GATAD2A: variants seen among roughly 807,000 people sequenced by gnomAD.
GATAD2A encodes GATA zinc finger domain containing 2A, also known as transcriptional repressor p66-alpha.
A neutral mutation model predicts 68.5 loss-of-function variants in GATAD2A; 12 were observed. The observed-to-expected ratio is 0.18, with a 90% CI of 0.11 to 0.28. The LOEUF (loss-of-function observed/expected upper bound fraction) is 0.28. Ranked by LOEUF, GATAD2A falls within the 10% of genes least tolerant of loss-of-function variation. The probability of loss-of-function intolerance (pLI) is 1.00; values close to 1 mark genes in which losing one functional copy is unlikely to be tolerated. For missense variants in GATAD2A, 755 were observed against 868.5 expected (o/e 0.87, Z 1.64); for synonymous variants, 410 against 375.3 (o/e 1.09, Z -1.07).
chr19:19,462,018 A>G (rs1600191916), intron 1 of GATAD2A, among the ~76,000 whole-genome samples: 1 of 150,368 alleles, frequency 6.7e-6, no homozygotes, highest in Non-Finnish European at 1.5e-5. Flanking sequence ...CCTTCCCCTC[A>G]CTCTCCCCTG....
At chr19:19,473,415 T>C (rs2058452653) in intron 2 of GATAD2A, among the ~76,000 whole-genome samples, 1 of 152,028 alleles carries the variant, frequency 6.6e-6, no homozygotes, top group Non-Finnish European at 1.5e-5. Context: ...ACTGGAAATG[T>C]AGTCTGTTTA....
Position 19,443,004 on chromosome 19 carries a change from A to G in GATAD2A, c.-6-22336A>G, listed in dbSNP as rs112266179. ...GCAGTGCTGGCCCGCAGAACTGCCT[A>G]GGGTGACAGGGATGCTCTACACCGT... On this transcript the variant is annotated intron_variant, in intron 1 of 11. Transcript: ENST00000683918. Among the ~76,000 whole-genome samples, 12 of 152,278 alleles carry G rather than the reference A, an allele frequency of 7.9e-5. 1 individual carries two copies. The highest frequency in any genetic ancestry group is 2.9e-4 in the African/African-American group (12 of 41,560).
chr19:19,502,252 A>G (rs1600310395), intron 10 of GATAD2A, 79 bp from the exon 11 acceptor site: 2 of 1,184,714 alleles, frequency 1.7e-6, no homozygotes, highest in East Asian at 4.7e-5. Flanking sequence ...CAGCCAGAGC[A>G]AGGAGAGGCT....
At chr19:19,458,604 G>C (rs1389014270) in intron 1 of GATAD2A, 1 of 152,218 alleles carries the variant, frequency 6.6e-6, no homozygotes, top group East Asian at 1.9e-4. Flanking sequence ...TGTTGCCAGG[G>C]CTCTGGTGAG....
intron 1 of GATAD2A, among the ~76,000 whole-genome samples, chr19:19,400,008 C>G (rs2049587141): frequency 6.6e-6 from 1 of 150,602 alleles, no homozygotes; most frequent in South Asian, 2.2e-4. Flanking sequence ...TTTGTTTTTC[C>G]TGGTAGTTTT....
upstream of GATAD2A, among the ~76,000 whole-genome samples, chr19:19,404,258 ATTT>A (rs111838568): frequency 2.0e-5 from 3 of 146,636 alleles, no homozygotes; most frequent in African/African-American, 7.5e-5. Flanking sequence ...CAGAAAAACA[ATTT>A]TTTTTTTTTT....
chr19:19,396,704 TTTTC>T (rs372156363), intron 1 of GATAD2A, among the ~76,000 whole-genome samples: 7 of 152,036 alleles, frequency 4.6e-5, no homozygotes, highest in African/African-American at 1.7e-4. Context: ...TTTCTTTTTC[TTTTC>T]TTTCTTTCTT....
At chr19:19,438,264 G>A (rs1221975271) in intron 1 of GATAD2A, among the ~76,000 whole-genome samples, 1 of 152,186 alleles carries the variant, frequency 6.6e-6, no homozygotes, top group Non-Finnish European at 1.5e-5. Flanking sequence ...CTCCTTTTTG[G>A]AGATAGGCTC....
Position 19,502,387 on chromosome 19 carries a change from G to A in GATAD2A, c.1635G>A (p.Thr545=), listed in dbSNP as rs1420685679. ...SATTPRGVLH[T]FSPSPKLQNS... ...CGACGCCCCGAGGTGTCCTGCACAC[G>A]TTCAGTCCGTCACCCAAACTGCAGA... Residue 545 remains threonine (T), a synonymous_variant, in exon 11 of 12, where the codon ACG becomes ACA. Transcript: ENST00000683918. 11 of 1,613,522 alleles carry A rather than the reference G, an allele frequency of 6.8e-6. No individual in the cohort carries two copies. The highest frequency in any genetic ancestry group is 6.7e-5 in the East Asian group (3 of 44,884).
chr19:19,476,968 T>G (rs1390976668), intron 2 of GATAD2A, among the ~76,000 whole-genome samples: 1 of 152,176 alleles, frequency 6.6e-6, no homozygotes, highest in Non-Finnish European at 1.5e-5. Flanking sequence ...AGAACGTGGG[T>G]GTCTGACAGC....
intron 7 of GATAD2A, among the ~76,000 whole-genome samples, chr19:19,498,097 A>G (rs1208087197): frequency 6.6e-6 from 1 of 152,252 alleles, no homozygotes; most frequent in Non-Finnish European, 1.5e-5. Flanking sequence ...CCTGCTGGGC[A>G]GTGTGGTGAC....
At chr19:19,403,799 TTAAAA>T (rs1199375990), upstream of GATAD2A, among the ~76,000 whole-genome samples, 2 of 152,256 alleles carry the variant, frequency 1.3e-5, no homozygotes, top group Middle Eastern at 3.2e-3. Flanking sequence ...GAAGCAGTTC[TTAAAA>T]TATACAGCCA....
intron 11 of GATAD2A, among the ~76,000 whole-genome samples, chr19:19,503,433 G>A (rs1600315546): frequency 6.6e-6 from 1 of 152,358 alleles, no homozygotes; most frequent in South Asian, 2.1e-4. Context: ...AACAGCAGAC[G>A]TTCGGCTGCA....
chr19:19,472,476 G>A (rs1028830323), intron 2 of GATAD2A: 11 of 152,086 alleles, frequency 7.2e-5, no homozygotes, highest in African/African-American at 2.7e-4. Context: ...TGGGATTACA[G>A]GTACTTGCCA....
intron 9 of GATAD2A, among the ~76,000 whole-genome samples, 182 bp downstream of exon 9, chr19:19,501,598 A>G (rs962502439): frequency 1.3e-5 from 2 of 152,276 alleles, no homozygotes; most frequent in African/African-American, 4.8e-5. Flanking sequence ...TCTCACTTGC[A>G]GGCTGCCGGC....
At chr19:19,466,727 C>T (rs2057895210) in intron 2 of GATAD2A, among the ~76,000 whole-genome samples, 1 of 152,232 alleles carries the variant, frequency 6.6e-6, no homozygotes, top group Non-Finnish European at 1.5e-5. Context: ...CTTTGTAGTC[C>T]TGCTGTCCAA....
At chr19:19,412,518 G>A (rs2051086123) in intron 1 of GATAD2A, among the ~76,000 whole-genome samples, 1 of 151,998 alleles carries the variant, frequency 6.6e-6, no homozygotes, top group South Asian at 2.1e-4. Flanking sequence ...TGTAGGCCCT[G>A]CTACTTGCGA....
At position 19,465,503 on chromosome 19, in the gene GATAD2A, G is replaced by T. The variant is rs766142303; in HGVS notation, c.158G>T (p.Gly53Val). The change falls in exon 2 of 12, where the codon GGA (glycine) becomes GTA (valine). Residue 53 changes from glycine (G) to valine (V), a missense_variant. Transcript: ENST00000683918. ...DGDMRVTPEP[G>V]AGPTQGLLRA... is the part of the protein sequence containing the mutation. ...GACATGAGGGTGACACCTGAGCCGGGAGCAGGTCCAACCCAAGGATTGCTG... is the reference window on the plus strand; with the variant it reads ...GACATGAGGGTGACACCTGAGCCGGTAGCAGGTCCAACCCAAGGATTGCTG... The T allele has an allele frequency of 4.7e-5, 76 of 1,613,964 alleles. No homozygotes were observed. In the Admixed American group the frequency reaches 1.3e-3, roughly 27 times the overall value.
chr19:19,435,762 A>G (rs974491912), intron 1 of GATAD2A, among the ~76,000 whole-genome samples: 2 of 152,120 alleles, frequency 1.3e-5, no homozygotes, highest in African/African-American at 4.8e-5. Flanking sequence ...AGGCAGGAGA[A>G]TCGTGTGAAC....
Sources: gnomAD v4.1 joint callset for allele counts (sites outside exome capture counted in the v4.1 genomes callset) on GRCh38, gnomAD v4.1.1 for gene constraint, MANE v1.5 for transcripts, NCBI Gene and HGNC (gene_info 2026-07-23, HGNC 2026-07-21) for gene names.